The following SHANK1 variants were observed in gnomAD, a reference collection of about 807,000 sequenced individuals.
The protein encoded by SHANK1 is SH3 and multiple ankyrin repeat domains protein 1.
Under a neutral mutation model 165.6 loss-of-function variants are expected in SHANK1, and 35 were observed. The observed-to-expected ratio is 0.21, with a 90% CI of 0.16 to 0.28. SHANK1 has a LOEUF of 0.28. Ranked by LOEUF, SHANK1 falls within the 10% of genes least tolerant of loss-of-function variation. The pLI is 1.00. For missense variants in SHANK1, 2,681 were observed against 3,036.4 expected (o/e 0.88, Z 2.75); for synonymous variants, 1,428 against 1,384.8 (o/e 1.03, Z -0.69).
At chr19:50,663,918 T>C (rs1334790273) in intron 23 of SHANK1, among the ~76,000 whole-genome samples, 2 of 133,978 alleles carry the variant, frequency 1.5e-5, no homozygotes, top group Non-Finnish European at 3.1e-5. Context: ...TTCCTTTTTC[T>C]TTTCTTTCTC....
rs772899950 is a variant in SHANK1 at position 50,662,214 on chromosome 19, G to C, written c.6237C>G (p.Thr2079=). 7 of 1,609,916 alleles carry C rather than the reference G, an allele frequency of 4.3e-6. No homozygotes were observed. Among genetic ancestry groups the C allele is most frequent in the Non-Finnish European group, 3.4e-6 (4 of 1,177,170 alleles). The stretch of plus-strand genomic sequence containing the variant: ...TGTCCGGGGGCAGCGAGAGCAGGCG[G>C]GTCGGTGAGAGGGAGCGCGAGGCCC... ...LSGASRSLSP[T]RLLSLPPDKP... is the part of the protein sequence containing the mutation. Residue 2079 remains threonine (T), a synonymous_variant, in exon 24 of 24, where the codon ACC becomes ACG. Coordinates refer to ENST00000293441, the MANE Select transcript of SHANK1 (RefSeq NM_016148.5). This position sits in a 1 kb window ranked among gnomAD's most constrained non-coding sequence, Gnocchi z 7.7.
Position 50,686,159 on chromosome 19 carries a change from T to C in SHANK1, c.2577+78A>G. On this transcript the variant is annotated intron_variant, in intron 21 of 23. Coordinates refer to ENST00000293441, the MANE Select transcript of SHANK1 (RefSeq NM_016148.5). The surrounding 1 kb of genome is among the most constrained non-coding windows in gnomAD (Gnocchi z 5.7). Reference sequence around the variant, plus strand: ...TAAAGCACAGAGGCGTCAGGAGGGTTTTGGAAAGAGAAAGGCTCCAGGTTG... The same window carrying C: ...TAAAGCACAGAGGCGTCAGGAGGGTCTTGGAAAGAGAAAGGCTCCAGGTTG... The C allele has an allele frequency of 1.2e-6, 1 of 811,008 alleles. No homozygotes were observed. The highest frequency in any genetic ancestry group is 2.5e-5 in the Admixed American group (1 of 39,562). The allele number at this position is 811,008 out of a possible 1,614,324, so 50.2% of individuals were successfully genotyped here. A position where few individuals can be genotyped will look rare whatever the true frequency, so the allele number is the denominator to read the frequency against.
In SHANK1 at chr19:50,703,532, C is replaced by T. The variant is rs1285234937; in HGVS notation, c.1521G>A (p.Glu507=). The T allele has an allele frequency of 1.3e-6, 2 of 1,548,164 alleles. No homozygotes were observed. The highest frequency in any genetic ancestry group is 2.4e-5 in the East Asian group (1 of 41,696). ...ARSPSRGRHP[E]DAKRQPRGRP... is the part of the protein sequence containing the mutation. ...GGCCTCGGGGCTGCCTCTTGGCGTC[C>T]TCAGGGTGCCTCCCTCGGGATGGAG... The change falls in exon 11 of 24, where the codon GAG becomes GAA. Residue 507 remains glutamate, a synonymous_variant. Coordinates refer to ENST00000293441, the MANE Select transcript of SHANK1 (RefSeq NM_016148.5).
At chr19:50,693,664 C>T (rs1986619912) in intron 15 of SHANK1, among the ~76,000 whole-genome samples, 1 of 152,088 alleles carries the variant, frequency 6.6e-6, no homozygotes, top group African/African-American at 2.4e-5. Context: ...CCGCACTCAG[C>T]CCCTTCCCAC....
chr19:50,668,285 C>A lies in SHANK1; in HGVS notation c.3675G>T (p.Thr1225=). 7.6e-7 allele frequency: 1 copy of A among 1,324,092 alleles called. No homozygotes were observed. 82.0% of individuals were successfully genotyped at this position (1,324,092 alleles called of 1,614,324 possible). A position where few individuals can be genotyped will look rare whatever the true frequency, so the allele number is the denominator to read the frequency against. ...CCCCGAACTGGCTCGTGAAGTCCAG[C>A]GTGGCCGGGCCGCTGGGCGAGGCGG... is the stretch of plus-strand genomic sequence containing the variant. ...PTPASPSGPA[T]LDFTSQFGAA... is the part of the protein sequence containing the mutation. The change falls in exon 23 of 24, where the codon ACG becomes ACT. Residue 1225 remains threonine, a synonymous_variant. Transcript: ENST00000293441.
chr19:50,708,167 G>C lies in SHANK1; in HGVS notation c.1077+3204C>G, dbSNP rs76360799. Among the ~76,000 whole-genome samples the C allele has an allele frequency of 1.2e-3, 175 of 152,020 alleles. 2 individuals are homozygous for C. Among genetic ancestry groups the C allele is most frequent in the East Asian group, 8.5e-3 (44 of 5,166 alleles). ...TCACCATCTTGGCCAGACTTGTCTT[G>C]AACTCCTGACCTCGTGATCCGCCTG... is the stretch of plus-strand genomic sequence containing the variant. On this transcript the variant is annotated intron_variant, in intron 8 of 23. Coordinates refer to ENST00000293441, the MANE Select transcript of SHANK1 (RefSeq NM_016148.5).
Position 50,670,952 on chromosome 19 carries a change from C to T in SHANK1, c.2674+1066G>A, listed in dbSNP as rs1985768931. 6.6e-6 allele frequency among the ~76,000 whole-genome samples: 1 copy of T among 151,744 alleles called. No individual in the cohort carries two copies. Among genetic ancestry groups the T allele is most frequent in the African/African-American group, 2.4e-5 (1 of 41,280 alleles). Reference sequence around the variant, plus strand: ...GGGATTACAGGCACATGCCACCACGCTTGGCTAATTTTTGTATTTTTAGTA... The same window carrying T: ...GGGATTACAGGCACATGCCACCACGTTTGGCTAATTTTTGTATTTTTAGTA... On this transcript the variant is annotated intron_variant, in intron 22 of 23. Transcript: ENST00000293441. This position sits in a 1 kb window ranked among gnomAD's most constrained non-coding sequence, Gnocchi z 4.1.
At chr19:50,706,642 T>C (rs185576122) in intron 8 of SHANK1, among the ~76,000 whole-genome samples, 2 of 151,992 alleles carry the variant, frequency 1.3e-5, no homozygotes, top group East Asian at 3.9e-4. Flanking sequence ...TCCCGCTAGA[T>C]CTCAGCATAG....
In SHANK1 at chr19:50,716,561, G is replaced by A; in HGVS notation, c.256-83C>T. The A allele has an allele frequency of 6.4e-7, 1 of 1,569,120 alleles. No individual in the cohort carries two copies. Among genetic ancestry groups the A allele is most frequent in the Non-Finnish European group, 8.7e-7 (1 of 1,151,536 alleles). ...TGGGTTGGGAAGTGAGCCAGGAGCTGAGTGTGGGGGTGATTCCTGGGAGGA... is the reference window on the plus strand; with the variant it reads ...TGGGTTGGGAAGTGAGCCAGGAGCTAAGTGTGGGGGTGATTCCTGGGAGGA... On this transcript the variant is annotated intron_variant, in intron 2 of 23. Coordinates refer to ENST00000293441, the MANE Select transcript of SHANK1 (RefSeq NM_016148.5). The surrounding 1 kb of genome is among the most constrained non-coding windows in gnomAD (Gnocchi z 8.4).
chr19:50,666,944 A>G lies in SHANK1; in HGVS notation c.5016T>C (p.Asp1672=). The G allele has an allele frequency of 6.2e-7, 1 of 1,600,266 alleles. No homozygotes were observed. The highest frequency in any genetic ancestry group is 1.3e-5 in the African/African-American group (1 of 74,886). ...QPGPDPPPGT[D]SGIEEVDSRS... ...GACTGTCCACCTCCTCGATGCCAGA[A>G]TCCGTGCCAGGCGGAGGGTCCGGGC... Residue 1672 remains aspartate, a synonymous_variant, in exon 23 of 24, where the codon GAT becomes GAC. Transcript: ENST00000293441.
In SHANK1 at chr19:50,659,870, G is replaced by A. The variant is rs939586333; in HGVS notation, c.*2095C>T. Among the ~76,000 whole-genome samples the A allele has an allele frequency of 9.1e-4, 136 of 149,856 alleles. No individual in the cohort carries two copies. Among genetic ancestry groups the A allele is most frequent in the Non-Finnish European group, 1.6e-3 (109 of 67,354 alleles). ...CGCCGCGCAGGCCCCCTGCGGACTGGGGGCATCCGACAAGGGGGAGGGGGC... is the reference window on the plus strand; with the variant it reads ...CGCCGCGCAGGCCCCCTGCGGACTGAGGGCATCCGACAAGGGGGAGGGGGC... On this transcript the variant is annotated 3_prime_UTR_variant, in exon 24 of 24. Coordinates refer to ENST00000293441, the MANE Select transcript of SHANK1 (RefSeq NM_016148.5).
At position 50,716,705 on chromosome 19, in the gene SHANK1, A is replaced by G; in HGVS notation, c.215T>C (p.Met72Thr). 6.3e-7 allele frequency: 1 copy of G among 1,597,966 alleles called. No individual in the cohort carries two copies. The highest frequency in any genetic ancestry group is 8.5e-7 in the Non-Finnish European group (1 of 1,172,968). ...MSVPDDAHFS[M>T]MVFRIGIPDL... ...CGGGATGCCAATCCTGAAGACCATC[A>G]TGCTGAAGTGGGCGTCGTCTGGGAC... is the stretch of plus-strand genomic sequence containing the variant. The change falls in exon 2 of 24, where the codon ATG becomes ACG. Residue 72 changes from methionine to threonine, a missense_variant. Transcript: ENST00000293441. The surrounding 1 kb of genome is among the most constrained non-coding windows in gnomAD (Gnocchi z 8.4).
At position 50,711,998 on chromosome 19, in the gene SHANK1, G is replaced by C; in HGVS notation, c.909C>G (p.Asn303Lys). The change falls in exon 7 of 24, where the codon AAC (asparagine) becomes AAG (lysine). Residue 303 changes from asparagine (N) to lysine (K), a missense_variant. Coordinates refer to ENST00000293441, the MANE Select transcript of SHANK1 (RefSeq NM_016148.5). ...DPRCCELLLF[N>K]RAQLGIADEN... ...CATCAGCTATGCCCAGCTGGGCCCT[G>C]TTGAACAGGAGCAGCTCGCAGCATC... is the stretch of plus-strand genomic sequence containing the variant. The C allele has an allele frequency of 6.2e-7, 1 of 1,614,092 alleles. No individual in the cohort carries two copies. Among genetic ancestry groups the C allele is most frequent in the Non-Finnish European group, 8.5e-7 (1 of 1,179,996 alleles).
intron 15 of SHANK1, 111 bp downstream of exon 15, chr19:50,696,985 T>C: frequency 1.1e-6 from 1 of 895,128 alleles, no homozygotes; most frequent in Non-Finnish European, 1.9e-6. Flanking sequence ...GAGACACACG[T>C]TCACACACCA....
rs1568447271 is a variant in SHANK1, at chr19:50,717,133, C to A, written c.-43-171G>T. On this transcript the variant is annotated intron_variant, in intron 1 of 23. Transcript: ENST00000293441. The surrounding 1 kb of genome is among the most constrained non-coding windows in gnomAD (Gnocchi z 5.5). ...CACGGCCTCCCCTGCCGCCTCCTCCCACGCTGGCACGCACACACCCCTGTC... is the reference window on the plus strand; with the variant it reads ...CACGGCCTCCCCTGCCGCCTCCTCCAACGCTGGCACGCACACACCCCTGTC... Among the ~76,000 whole-genome samples the A allele has an allele frequency of 6.6e-6, 1 of 152,168 alleles. No individual in the cohort carries two copies. Among genetic ancestry groups the A allele is most frequent in the Non-Finnish European group, 1.5e-5 (1 of 68,022 alleles).
In SHANK1 at chr19:50,686,232, C is replaced by T; in HGVS notation, c.2577+5G>A. The T allele has an allele frequency of 6.4e-7, 1 of 1,574,630 alleles. No individual in the cohort carries two copies. The highest frequency in any genetic ancestry group is 8.7e-7 in the Non-Finnish European group (1 of 1,155,872). On this transcript the variant is annotated splice_donor_5th_base_variant and intron_variant, in intron 21 of 23. Transcript: ENST00000293441. This position sits in a 1 kb window ranked among gnomAD's most constrained non-coding sequence, Gnocchi z 5.7. ...GGCAGTTCCTCCCCACACCAGGCCG[C>T]CTACCTCAGTGGCAAAGAAACCTTT...
chr19:50,668,087 G>C lies in SHANK1; in HGVS notation c.3873C>G (p.Gly1291=), dbSNP rs1199833036. The change falls in exon 23 of 24, where the codon GGC becomes GGG. Residue 1291 remains glycine (G), a synonymous_variant. Coordinates refer to ENST00000293441, the MANE Select transcript of SHANK1 (RefSeq NM_016148.5). ...RLRHSKSIDE[G]MFSAEPYLRL... ...GGAGGTAGGGCTCGGCGGAGAACAT[G>C]CCCTCGTCGATGGATTTGGAGTGGC... 2.0e-6 allele frequency: 3 copies of C among 1,481,204 alleles called. No individual in the cohort carries two copies. The highest frequency in any genetic ancestry group is 1.8e-6 in the Non-Finnish European group (2 of 1,121,292). 91.8% of individuals were successfully genotyped at this position (1,481,204 alleles called of 1,614,324 possible).
chr19:50,689,084 C>G, intron 16 of SHANK1, 113 bp downstream of exon 16: 2 of 1,097,936 alleles, frequency 1.8e-6, no homozygotes, highest in Non-Finnish European at 2.7e-6. Context: ...ACCAGCACCC[C>G]GGGGTGGGGT....
At chr19:50,672,221 A>C (rs1407410205) in intron 21 of SHANK1, 107 bp from the exon 22 acceptor site, 1 of 906,840 alleles carries the variant, frequency 1.1e-6, no homozygotes, top group African/African-American at 1.6e-5. Context: ...TCCTTCCCTA[A>C]GCCCCTGCCG....
Sources: allele counts gnomAD v4.1 joint callset (sites outside exome capture counted in the v4.1 genomes callset), GRCh38; gene constraint gnomAD v4.1.1; non-coding constraint Gnocchi (gnomAD v3.1); transcripts MANE v1.5; gene names NCBI Gene and HGNC (gene_info 2026-07-23, HGNC 2026-07-21).